Variants in LAMA3 observed in about 807,000 individuals in gnomAD.
LAMA3 encodes the protein laminin subunit alpha 3.
LAMA3 carries 281 observed loss-of-function variants against 402.0 expected under a neutral mutation model. The observed-to-expected ratio is 0.70, with a 90% CI of 0.63 to 0.77. The LOEUF is 0.77. Among genes scored for constraint, LAMA3 ranks in the 30% least tolerant of loss-of-function variants. LAMA3 has a pLI of 0.00. For synonymous variants in LAMA3, 1,431 were observed against 1,558.4 expected (o/e 0.92, Z 1.93); for missense variants, 3,840 against 4,215.5 (o/e 0.91, Z 2.47).
At chr18:23,874,414 GC>G (rs111358500) in intron 38 of LAMA3, among the ~76,000 whole-genome samples, 1 of 152,092 alleles carries the variant, frequency 6.6e-6, no homozygotes, top group African/African-American at 2.4e-5. Flanking sequence ...TCTCCTTTAG[GC>G]AAGCCTGTTC....
intron 70 of LAMA3, 81 bp downstream of exon 70, chr18:23,946,365 C>T (rs2082714460): frequency 1.5e-6 from 2 of 1,369,420 alleles, no homozygotes; most frequent in African/African-American, 2.9e-5. Flanking sequence ...ATTCAAAATA[C>T]TCACCATATG....
At chr18:23,934,364 G>A (rs1457897445) in intron 67 of LAMA3, among the ~76,000 whole-genome samples, 1 of 152,146 alleles carries the variant, frequency 6.6e-6, no homozygotes, top group East Asian at 1.9e-4. Flanking sequence ...AACACCTGGG[G>A]AGCTTTAACA....
chr18:23,758,582 T>C (rs2061903030), intron 7 of LAMA3, 71 bp downstream of exon 7: 3 of 1,153,704 alleles, frequency 2.6e-6, no homozygotes, highest in Admixed American at 1.8e-5. Context: ...GAGGCTATTT[T>C]CCCCATGCTA....
intron 66 of LAMA3, among the ~76,000 whole-genome samples, chr18:23,933,089 AC>A (rs1357271947): frequency 3.9e-5 from 6 of 152,254 alleles, no homozygotes; most frequent in Non-Finnish European, 8.8e-5. Flanking sequence ...TTTGTCCAAG[AC>A]TTTCCTCCTC....
chr18:23,904,715 C>A, intron 51 of LAMA3, 21 bp downstream of exon 51: 1 of 1,613,248 alleles, frequency 6.2e-7, no homozygotes, highest in South Asian at 1.1e-5. Flanking sequence ...GTACCAGCAG[C>A]TTCTCCACAT....
chr18:23,763,492 A>G lies in LAMA3; in HGVS notation c.1151A>G (p.Tyr384Cys), dbSNP rs879152030. Residue 384 changes from tyrosine to cysteine, a missense_variant, in exon 8 of 75, where the codon TAT (tyrosine) becomes TGT (cysteine). Around this residue, in one of 3 missense-constraint regions of LAMA3, gnomAD observed 2,109 missense variants for 2,376.0 expected, o/e 0.89. Coordinates refer to ENST00000313654, the MANE Select transcript of LAMA3 (RefSeq NM_198129.4). ...QQASLNTQGI[Y>C]AGGGVCINCQ... ...GCAAGCTTGAATACCCAGGGCATCT[A>G]TGCTGGTGGAGGGGTCTGCATTAAC... 5 of 1,611,974 alleles carry G rather than the reference A, an allele frequency of 3.1e-6. No homozygotes were observed. Among genetic ancestry groups the G allele is most frequent in the Admixed American group, 1.7e-5 (1 of 59,984 alleles).
At chr18:23,798,638 G>T (rs1193739644) in intron 12 of LAMA3, among the ~76,000 whole-genome samples, 2 of 152,156 alleles carry the variant, frequency 1.3e-5, no homozygotes, top group Admixed American at 1.3e-4. Flanking sequence ...CCTTGAACTG[G>T]CCCTTCCTTG....
At chr18:23,873,237 G>T (rs756363988) in intron 38 of LAMA3, 13 of 1,600,600 alleles carry the variant, frequency 8.1e-6, no homozygotes, top group Non-Finnish European at 9.4e-6. Flanking sequence ...TTAAGTTTTG[G>T]TTTGTGATAG....
intron 62 of LAMA3, 114 bp downstream of exon 62, chr18:23,921,699 T>C: frequency 4.8e-6 from 5 of 1,049,468 alleles, no homozygotes; most frequent in Non-Finnish European, 7.3e-6. Context: ...CACAAAAAGT[T>C]AACTTTTCCA....
At chr18:23,866,740 G>A (rs547339420) in intron 36 of LAMA3, among the ~76,000 whole-genome samples, 1 of 152,280 alleles carries the variant, frequency 6.6e-6, no homozygotes, top group South Asian at 2.1e-4. Context: ...AAATAATTTA[G>A]GCTCACAAAA....
intron 68 of LAMA3, among the ~76,000 whole-genome samples, chr18:23,943,492 C>G (rs574540549): frequency 6.6e-6 from 1 of 152,170 alleles, no homozygotes; most frequent in Non-Finnish European, 1.5e-5. Flanking sequence ...ATAAAAGATT[C>G]AGACATGTTT....
At chr18:23,805,046 G>A (rs1172761288) in intron 12 of LAMA3, among the ~76,000 whole-genome samples, 1 of 152,136 alleles carries the variant, frequency 6.6e-6, no homozygotes, top group African/African-American at 2.4e-5. Context: ...CATAAAAATA[G>A]CCTAATACAG....
intron 64 of LAMA3, among the ~76,000 whole-genome samples, chr18:23,930,832 G>A (rs2082140300): frequency 6.6e-6 from 1 of 152,146 alleles, no homozygotes; most frequent in African/African-American, 2.4e-5. Context: ...TCCAAAAAAT[G>A]ATTTTGACAA....
intron 58 of LAMA3, 103 bp from the exon 59 acceptor site, chr18:23,915,186 A>G: frequency 7.6e-7 from 1 of 1,314,936 alleles, no homozygotes; most frequent in Non-Finnish European, 1.1e-6. Context: ...TCACATTCTT[A>G]ATTAACCCTT....
intron 42 of LAMA3, among the ~76,000 whole-genome samples, chr18:23,893,038 T>A (rs969874140): frequency 6.6e-6 from 1 of 152,002 alleles, no homozygotes; most frequent in Non-Finnish European, 1.5e-5. Context: ...GATGATGCTT[T>A]TATTTCATTT....
At chr18:23,867,552 C>A (rs367737917) in intron 36 of LAMA3, among the ~76,000 whole-genome samples, 2,406 of 95,794 alleles carry the variant, frequency 0.025, 12 homozygotes, top group South Asian at 0.11. Flanking sequence ...CCATCCCTGC[C>A]AAAAAAAAAA....
rs374613302 is a variant in LAMA3 at position 23,827,138 on chromosome 18, T to C, written c.2670-176T>C. 3.3e-5 allele frequency among the ~76,000 whole-genome samples: 5 copies of C among 152,334 alleles called. No homozygotes were observed. The South Asian group carries it at 1.0e-3, about 32-fold the overall frequency. On this transcript the variant is annotated intron_variant, in intron 22 of 74. Coordinates refer to ENST00000313654, the MANE Select transcript of LAMA3 (RefSeq NM_198129.4). ...GGACCTTTGTTTCTTCTCTTCCCCATGCAGATGAAAATTTATTGCTTAATT... is the reference window on the plus strand; with the variant it reads ...GGACCTTTGTTTCTTCTCTTCCCCACGCAGATGAAAATTTATTGCTTAATT...
chr18:23,768,135 A>G (rs1303465372), intron 8 of LAMA3, among the ~76,000 whole-genome samples: 1 of 149,204 alleles, frequency 6.7e-6, no homozygotes, highest in African/African-American at 2.5e-5. Context: ...GACAAATGGG[A>G]CCTAATTAAA....
chr18:23,706,511 C>T (rs1262254162), intron 1 of LAMA3, among the ~76,000 whole-genome samples: 1 of 152,110 alleles, frequency 6.6e-6, no homozygotes, highest in Non-Finnish European at 1.5e-5. Flanking sequence ...AATAATATTG[C>T]ATTGTGGTCT....
Sources: allele counts gnomAD v4.1 joint callset (sites outside exome capture counted in the v4.1 genomes callset), GRCh38; gene constraint gnomAD v4.1.1; regional missense constraint gnomAD v4.1.1; transcripts MANE v1.5; gene names NCBI Gene and HGNC (gene_info 2026-07-23, HGNC 2026-07-21).